ABCA13: variants seen among roughly 807,000 people sequenced by gnomAD.
ABCA13 encodes the protein ATP-binding cassette sub-family A member 13.
A neutral mutation model predicts 478.7 loss-of-function variants in ABCA13; 476 were observed. The observed-to-expected ratio is 0.99, with a 90% CI of 0.92 to 1.07. ABCA13 has a LOEUF of 1.07. Ranked by LOEUF, ABCA13 falls within the 50% of genes least tolerant of loss-of-function variation. The pLI is 0.00. For synonymous variants in ABCA13, 2,252 were observed against 2,158.9 expected (o/e 1.04, Z -1.20); for missense variants, 6,060 against 5,910.6 (o/e 1.03, Z -0.83).
chr7:48,631,930 T>G (rs566877869), intron 59 of ABCA13, among the ~76,000 whole-genome samples: 1 of 152,160 alleles, frequency 6.6e-6, no homozygotes, highest in Non-Finnish European at 1.5e-5. Flanking sequence ...TTTGCAGCTT[T>G]GTGAAGGGAA....
Position 48,275,894 on chromosome 7 carries a change from A to G in ABCA13, c.6228A>G (p.Arg2076=). ...ACCTAACCCAAGATTTTAGAATCAG[A>G]CACCTGCTTTCTGAAATGAACAAAG... ...MKDLTQDFRI[R]HLLSEMNKGI... Residue 2076 remains arginine, a synonymous_variant, in exon 17 of 62, where the codon AGA becomes AGG. Transcript: ENST00000435803. 1 of 1,613,662 alleles carries G rather than the reference A, an allele frequency of 6.2e-7. No individual in the cohort carries two copies. The highest frequency in any genetic ancestry group is 1.1e-5 in the South Asian group (1 of 91,074).
chr7:48,625,029 T>C (rs968034769), intron 59 of ABCA13, among the ~76,000 whole-genome samples: 1 of 152,240 alleles, frequency 6.6e-6, no homozygotes, highest in African/African-American at 2.4e-5. Context: ...GATCCCATCA[T>C]AGATGTGTTA....
chr7:48,318,909 T>A (rs894904814), intron 27 of ABCA13, among the ~76,000 whole-genome samples: 7 of 152,250 alleles, frequency 4.6e-5, no homozygotes, highest in African/African-American at 1.7e-4. Context: ...CATATTATGA[T>A]GTATTCTGCA....
At chr7:48,236,140 G>A (rs768636147) in intron 8 of ABCA13, among the ~76,000 whole-genome samples, 37 of 152,080 alleles carry the variant, frequency 2.4e-4, no homozygotes, top group Non-Finnish European at 2.9e-5. Context: ...GCCATCCAAG[G>A]CTATCTATAC....
chr7:48,334,544 C>A (rs1267449893), intron 27 of ABCA13, among the ~76,000 whole-genome samples: 1 of 152,164 alleles, frequency 6.6e-6, no homozygotes, highest in African/African-American at 2.4e-5. Context: ...ATTGTGTTAG[C>A]CAGGATGGTC....
At chr7:48,450,465 G>A (rs528423121) in intron 42 of ABCA13, among the ~76,000 whole-genome samples, 52 of 152,156 alleles carry the variant, frequency 3.4e-4, no homozygotes, top group African/African-American at 1.1e-3. Context: ...TACCACCTTC[G>A]CTTTTTAAAT....
intron 56 of ABCA13, among the ~76,000 whole-genome samples, chr7:48,582,365 GT>G (rs1788786382): frequency 6.6e-6 from 1 of 152,162 alleles, no homozygotes; most frequent in South Asian, 2.1e-4. Context: ...ACTGTGTGGG[GT>G]TAGTGCATGA....
At chr7:48,325,922 A>T (rs1804257468) in intron 27 of ABCA13, among the ~76,000 whole-genome samples, 1 of 152,202 alleles carries the variant, frequency 6.6e-6, no homozygotes, top group African/African-American at 2.4e-5. Flanking sequence ...GTGAGTGGTA[A>T]TTGCCATGAA....
intron 56 of ABCA13, among the ~76,000 whole-genome samples, chr7:48,582,668 G>A (rs548811345): frequency 4.3e-4 from 66 of 152,240 alleles, no homozygotes; most frequent in African/African-American, 1.5e-3. Context: ...GACCCTCAGA[G>A]CCCATGCCAT....
At chr7:48,182,836 T>A (rs1795871150) in intron 1 of ABCA13, among the ~76,000 whole-genome samples, 1 of 152,206 alleles carries the variant, frequency 6.6e-6, no homozygotes, top group Admixed American at 6.5e-5. Flanking sequence ...GTAACTATAG[T>A]TGCTGTTTGG....
At chr7:48,310,470 G>A (rs1169527629) in intron 24 of ABCA13, among the ~76,000 whole-genome samples, 1 of 152,170 alleles carries the variant, frequency 6.6e-6, no homozygotes, top group Admixed American at 6.5e-5. Flanking sequence ...AATGCCAGGT[G>A]TTCTCTCCTC....
intron 58 of ABCA13, among the ~76,000 whole-genome samples, chr7:48,602,818 C>T (rs1428069979): frequency 6.6e-6 from 1 of 151,776 alleles, no homozygotes; most frequent in Non-Finnish European, 1.5e-5. Flanking sequence ...TTATTTTGGA[C>T]AGTATGGCCA....
At chr7:48,387,189 A>G (rs1246481961) in intron 35 of ABCA13, among the ~76,000 whole-genome samples, 1 of 152,056 alleles carries the variant, frequency 6.6e-6, no homozygotes, top group Non-Finnish European at 1.5e-5. Context: ...TACGTTCATC[A>G]AACTTAAACT....
chr7:48,186,447 T>A (rs1002515981), intron 1 of ABCA13, among the ~76,000 whole-genome samples: 4 of 152,118 alleles, frequency 2.6e-5, no homozygotes, highest in African/African-American at 9.6e-5. Flanking sequence ...TATTCTTGAA[T>A]TGATATTGAG....
intron 45 of ABCA13, among the ~76,000 whole-genome samples, chr7:48,477,740 T>G (rs1466463699): frequency 3.1e-5 from 2 of 64,852 alleles, no homozygotes; most frequent in Non-Finnish European, 5.6e-5. Flanking sequence ...GGGACTGTTG[T>G]GGGGTGGGGG....
At chr7:48,632,600 G>A (rs1794257898) in intron 59 of ABCA13, among the ~76,000 whole-genome samples, 1 of 151,982 alleles carries the variant, frequency 6.6e-6, no homozygotes, top group African/African-American at 2.4e-5. Flanking sequence ...TGTATTAACT[G>A]TGTGTGAGGT....
chr7:48,302,410 AG>A (rs1180877274), intron 23 of ABCA13, among the ~76,000 whole-genome samples: 2 of 150,578 alleles, frequency 1.3e-5, no homozygotes, highest in Non-Finnish European at 3.0e-5. Context: ...AACTCGTGTC[AG>A]GGGGTTTGTA....
At chr7:48,208,550 GTTATT>G (rs1186187183) in intron 3 of ABCA13, among the ~76,000 whole-genome samples, 3 of 151,870 alleles carry the variant, frequency 2.0e-5, no homozygotes, top group Admixed American at 2.0e-4. Context: ...TCCTAGGTAT[GTTATT>G]TTATTTGTAG....
chr7:48,608,582 A>T (rs1368931083), intron 58 of ABCA13, among the ~76,000 whole-genome samples: 1 of 152,254 alleles, frequency 6.6e-6, no homozygotes, highest in Non-Finnish European at 1.5e-5. Flanking sequence ...AATCAGGTAT[A>T]TCAACAGTGT....
Sources: gnomAD v4.1 joint callset for allele counts (sites outside exome capture counted in the v4.1 genomes callset) on GRCh38, gnomAD v4.1.1 for gene constraint, MANE v1.5 for transcripts, NCBI Gene and HGNC (gene_info 2026-07-23, HGNC 2026-07-21) for gene names.